Variants in KAZN observed in about 807,000 individuals in gnomAD.
The protein encoded by KAZN is kazrin.
A neutral mutation model predicts 87.4 loss-of-function variants in KAZN; 40 were observed. The observed-to-expected ratio is 0.46, with a 90% confidence interval of 0.36 to 0.60. The LOEUF (loss-of-function observed/expected upper bound fraction) is 0.60, where lower values mean the gene tolerates loss of function less well. Ranked by LOEUF, KAZN falls within the 20% of genes least tolerant of loss-of-function variation. The pLI is 0.00. For synonymous variants in KAZN, 466 were observed against 458.3 expected, an observed-to-expected ratio of 1.02 and a Z score of -0.22; for missense variants, 898 against 1,073.9, an observed-to-expected ratio of 0.84 and a Z score of 2.29.
intron 2 of KAZN, among the ~76,000 whole-genome samples, chr1:14,309,177 A>G (rs1655120728): frequency 6.6e-6 from 1 of 152,214 alleles, no homozygotes; most frequent in Non-Finnish European, 1.5e-5. Flanking sequence ...AGAAGAAGAA[A>G]TGGGATATCC....
chr1:13,941,773 C>A lies in KAZN; in HGVS notation c.91+48017C>A, dbSNP rs1426340094. On this transcript the variant is annotated intron_variant, in intron 1 of 16. Coordinates refer to the KAZN transcript ENST00000636203. Reference sequence around the variant, plus strand: ...AACCTACCACCATCACCACCACCACCAACAGCAACAACAAAACTCATGTGT... The same window carrying A: ...AACCTACCACCATCACCACCACCACAAACAGCAACAACAAAACTCATGTGT... 3.9e-5 allele frequency among the ~76,000 whole-genome samples: 6 copies of A among 152,166 alleles called. No individual in the cohort carries two copies. The South Asian group carries it at 8.3e-4, about 21-fold the overall frequency.
intron 1 of KAZN, among the ~76,000 whole-genome samples, chr1:14,853,027 C>T (rs1283314325): frequency 2.0e-5 from 3 of 152,176 alleles, no homozygotes; most frequent in Admixed American, 1.3e-4. Context: ...CCATCTAGAA[C>T]CACAGATCTA....
At chr1:14,840,975 G>T (rs562377378) in intron 1 of KAZN, among the ~76,000 whole-genome samples, 1 of 152,152 alleles carries the variant, frequency 6.6e-6, no homozygotes, top group Non-Finnish European at 1.5e-5. Context: ...AGGTAGATAG[G>T]GAAATAATTT....
chr1:15,073,218 G>C (rs897532546), intron 8 of KAZN, among the ~76,000 whole-genome samples: 1 of 152,230 alleles, frequency 6.6e-6, no homozygotes, highest in Admixed American at 6.5e-5. Context: ...AAGGAGATCA[G>C]TGGTTGTCAA....
intron 1 of KAZN, among the ~76,000 whole-genome samples, chr1:14,633,862 C>T (rs893053224): frequency 3.3e-5 from 5 of 150,648 alleles, no homozygotes; most frequent in Non-Finnish European, 5.9e-5. Context: ...AGCATTTGCG[C>T]GCGCACTCTC....
At chr1:15,016,140 G>A (rs1557718969) in intron 2 of KAZN, among the ~76,000 whole-genome samples, 1 of 152,184 alleles carries the variant, frequency 6.6e-6, no homozygotes, top group South Asian at 2.1e-4. Context: ...GTGATGAGAA[G>A]ACAGAGGCTG....
chr1:14,181,286 T>C (rs1422844019), intron 2 of KAZN, among the ~76,000 whole-genome samples: 4 of 152,180 alleles, frequency 2.6e-5, no homozygotes, highest in African/African-American at 4.8e-5. Flanking sequence ...TGTCGGGAAA[T>C]GTTTCAGGAA....
intron 2 of KAZN, among the ~76,000 whole-genome samples, chr1:14,420,203 T>C (rs1665292954): frequency 6.6e-6 from 1 of 152,132 alleles, no homozygotes; most frequent in Non-Finnish European, 1.5e-5. Flanking sequence ...TTTACAAACC[T>C]TGAGCTAGAC....
intron 2 of KAZN, among the ~76,000 whole-genome samples, chr1:14,401,689 C>G (rs1468568314): frequency 6.6e-6 from 1 of 151,748 alleles, no homozygotes; most frequent in African/African-American, 2.4e-5. Context: ...ACAATGTGGT[C>G]TCAAAATAAA....
chr1:14,646,294 C>T (rs1407150896), intron 1 of KAZN, among the ~76,000 whole-genome samples: 1 of 152,134 alleles, frequency 6.6e-6, no homozygotes, highest in African/African-American at 2.4e-5. Flanking sequence ...GCCTGTAATC[C>T]CAATACTTTG....
chr1:14,416,140 G>C (rs1437005313), intron 2 of KAZN, among the ~76,000 whole-genome samples: 1 of 152,124 alleles, frequency 6.6e-6, no homozygotes, highest in Non-Finnish European at 1.5e-5. Flanking sequence ...TTTGGCTCTG[G>C]GGCTGTAGTA....
intron 2 of KAZN, among the ~76,000 whole-genome samples, chr1:14,518,701 C>T (rs1246171436): frequency 6.6e-6 from 1 of 152,190 alleles, no homozygotes; most frequent in Non-Finnish European, 1.5e-5. Context: ...GTCCAGGCTC[C>T]AGCACTACCA....
intron 1 of KAZN, among the ~76,000 whole-genome samples, chr1:13,959,879 A>G (rs1641687260): frequency 6.6e-6 from 1 of 152,134 alleles, no homozygotes; most frequent in Non-Finnish European, 1.5e-5. Flanking sequence ...TATAAATAGC[A>G]CCTAATAAAT....
intron 1 of KAZN, among the ~76,000 whole-genome samples, chr1:14,726,828 T>C (rs1643406538): frequency 6.6e-6 from 1 of 152,186 alleles, no homozygotes; most frequent in Non-Finnish European, 1.5e-5. Context: ...GAATCTGTAT[T>C]GCAACACGCC....
At chr1:15,112,328 AAT>A in intron 13 of KAZN, 97 bp from the exon 14 acceptor site, 1 of 671,262 alleles carries the variant, frequency 1.5e-6, no homozygotes, top group Non-Finnish European at 2.6e-6. Flanking sequence ...CATTGTCACC[AAT>A]GTGTGTGTGT....
At chr1:14,718,875 T>C (rs1454077620) in intron 1 of KAZN, among the ~76,000 whole-genome samples, 1 of 152,112 alleles carries the variant, frequency 6.6e-6, no homozygotes, top group Admixed American at 6.5e-5. Flanking sequence ...ACCACCCCAC[T>C]CCGCCCCAGT....
In KAZN at chr1:15,094,662, C is replaced by G. The variant is rs562809464; in HGVS notation, c.1429-153C>G. On this transcript the variant is annotated intron_variant, in intron 9 of 14. Coordinates refer to ENST00000376030, the MANE Select transcript of KAZN (RefSeq NM_201628.3). The surrounding 1 kb of genome is among the most constrained non-coding windows in gnomAD (Gnocchi z 4.5). Reference sequence around the variant, plus strand: ...CCTGAACAGGGATTCCGCCCCACATCAGAGTTGCAGAGGTTTCCATGTGCC... The same window carrying G: ...CCTGAACAGGGATTCCGCCCCACATGAGAGTTGCAGAGGTTTCCATGTGCC... 5.9e-5 allele frequency among the ~76,000 whole-genome samples: 9 copies of G among 152,352 alleles called. No individual in the cohort carries two copies. In the East Asian group the frequency reaches 1.7e-3, roughly 29 times the overall value.
chr1:14,677,545 C>T lies in KAZN; in HGVS notation c.226+78322C>T, dbSNP rs996810723. Among the ~76,000 whole-genome samples the T allele has an allele frequency of 2.0e-5, 3 of 152,156 alleles. No homozygotes were observed. The East Asian group carries it at 5.8e-4, about 29-fold the overall frequency. Reference sequence around the variant, plus strand: ...AGAGGTGATGACAGACTCTAAGACACCCCAGGGGCCCATTTTCAGACCTTG... The same window carrying T: ...AGAGGTGATGACAGACTCTAAGACATCCCAGGGGCCCATTTTCAGACCTTG... On this transcript the variant is annotated intron_variant, in intron 1 of 14. Transcript: ENST00000376030.
chr1:14,482,722 C>A (rs1335106152), intron 2 of KAZN, among the ~76,000 whole-genome samples: 2 of 152,054 alleles, frequency 1.3e-5, no homozygotes, highest in Admixed American at 1.3e-4. Flanking sequence ...GGAGAACACT[C>A]TCTGAGAGCC....
Sources: allele counts gnomAD v4.1 joint callset (sites outside exome capture counted in the v4.1 genomes callset), GRCh38; gene constraint gnomAD v4.1.1; non-coding constraint Gnocchi (gnomAD v3.1); transcripts MANE v1.5; gene names NCBI Gene and HGNC (gene_info 2026-07-23, HGNC 2026-07-21).